BACE2: variants seen among roughly 807,000 people sequenced by gnomAD.
BACE2 encodes 56 kDa aspartic-like protease.
BACE2 carries 17 observed loss-of-function variants against 46.2 expected under a neutral mutation model. The ratio of observed to expected loss-of-function variants is 0.37; its 90% CI spans 0.25 to 0.55. BACE2 has a LOEUF of 0.55. Ranked by LOEUF, BACE2 falls within the 20% of genes least tolerant of loss-of-function variation. BACE2 has a pLI of 0.82. For synonymous variants in BACE2, 277 were observed against 295.9 expected (o/e 0.94, Z 0.66); for missense variants, 595 against 698.1 (o/e 0.85, Z 1.66).
At chr21:41,194,604 A>T (rs1162793527) in intron 1 of BACE2, among the ~76,000 whole-genome samples, 1 of 152,146 alleles carries the variant, frequency 6.6e-6, no homozygotes, top group East Asian at 1.9e-4. Flanking sequence ...CCCTCAACAG[A>T]GATAGCTGAC....
intron 1 of BACE2, among the ~76,000 whole-genome samples, chr21:41,218,797 A>C (rs1986551325): frequency 6.6e-6 from 1 of 152,062 alleles, no homozygotes; most frequent in Non-Finnish European, 1.5e-5. Context: ...AGTAAAAATA[A>C]TGTTATAATC....
intron 3 of BACE2, among the ~76,000 whole-genome samples, chr21:41,239,920 G>A (rs906640774): frequency 1.3e-5 from 2 of 152,220 alleles, no homozygotes; most frequent in African/African-American, 4.8e-5. Flanking sequence ...AAATTGTTCC[G>A]AAGATGATAG....
rs1460006374 is a variant in BACE2, at chr21:41,279,122, G to C, written c.*3498G>C. Reference sequence around the variant, plus strand: ...CTAGATTTTTTTAATGCCGAGAAAAGTCCATGCCACAGAAGTTATTGTGTA... The same window carrying C: ...CTAGATTTTTTTAATGCCGAGAAAACTCCATGCCACAGAAGTTATTGTGTA... On this transcript the variant is annotated 3_prime_UTR_variant, in exon 9 of 9. Transcript: ENST00000330333. The C allele has an allele frequency of 6.6e-6, 1 of 152,134 alleles. No homozygotes were observed. Among genetic ancestry groups the C allele is most frequent in the East Asian group, 1.9e-4 (1 of 5,162 alleles). The allele number at this position is 152,134 out of a possible 1,614,324, so 9.4% of individuals were successfully genotyped here.
In BACE2 at chr21:41,277,407, G is replaced by A. The variant is rs1355333346; in HGVS notation, c.*1783G>A. 6.6e-6 allele frequency: 1 copy of A among 152,212 alleles called. No homozygotes were observed. Among genetic ancestry groups the A allele is most frequent in the Non-Finnish European group, 1.5e-5 (1 of 68,062 alleles). The allele number at this position is 152,212 out of a possible 1,614,324, so 9.4% of individuals were successfully genotyped here. On this transcript the variant is annotated 3_prime_UTR_variant, in exon 9 of 9. Coordinates refer to ENST00000330333, the MANE Select transcript of BACE2 (RefSeq NM_012105.5). ...CACGGAACGGGAGGAGGGGGCTCTTGTATCAGGGCCCGTTGTCACATCCGC... is the reference window on the plus strand; with the variant it reads ...CACGGAACGGGAGGAGGGGGCTCTTATATCAGGGCCCGTTGTCACATCCGC...
intron 2 of BACE2, chr21:41,236,532 T>C (rs1040404911): frequency 2.0e-5 from 3 of 152,290 alleles, no homozygotes; most frequent in African/African-American, 4.8e-5. Context: ...CTCTCGGTCA[T>C]GTCACAGTGA....
intron 7 of BACE2, among the ~76,000 whole-genome samples, chr21:41,254,633 G>T (rs1987729385): frequency 6.6e-6 from 1 of 152,216 alleles, no homozygotes; most frequent in African/African-American, 2.4e-5. Context: ...CCAAGAAATT[G>T]TTACTGCTGG....
At chr21:41,274,675 C>T (rs937225920) in intron 8 of BACE2, among the ~76,000 whole-genome samples, 6 of 152,128 alleles carry the variant, frequency 3.9e-5, no homozygotes, top group African/African-American at 1.2e-4. Flanking sequence ...CAGAAGTCAC[C>T]GGGTGAATTT....
intron 1 of BACE2, among the ~76,000 whole-genome samples, chr21:41,223,861 A>G (rs909379389): frequency 9.9e-5 from 15 of 152,242 alleles, no homozygotes; most frequent in Admixed American, 2.6e-4. Context: ...CAACATGCGG[A>G]TGGCATTTAA....
At chr21:41,268,007 C>G (rs1409807692) in intron 8 of BACE2, among the ~76,000 whole-genome samples, 1 of 152,150 alleles carries the variant, frequency 6.6e-6, no homozygotes, top group African/African-American at 2.4e-5. Context: ...TCATTATCAA[C>G]CAGATCCTGA....
rs141998368 is a variant in BACE2, at chr21:41,192,319, T to A, written c.312+23744T>A. Reference sequence around the variant, plus strand: ...GTGGCAGGAGTGGAGACCAGGGCATTTGAACCACTTCCTCATGTAACTTAC... The same window carrying A: ...GTGGCAGGAGTGGAGACCAGGGCATATGAACCACTTCCTCATGTAACTTAC... On this transcript the variant is annotated intron_variant, in intron 1 of 8. Transcript: ENST00000330333. Among the ~76,000 whole-genome samples, 5 of 152,282 alleles carry A rather than the reference T, an allele frequency of 3.3e-5. No homozygotes were observed. The East Asian group carries it at 9.7e-4, about 29-fold the overall frequency.
chr21:41,218,571 G>A (rs936082520), intron 1 of BACE2, among the ~76,000 whole-genome samples: 1 of 152,090 alleles, frequency 6.6e-6, no homozygotes, highest in Non-Finnish European at 1.5e-5. Context: ...TGGGAAATAT[G>A]GGTATCAAAA....
intron 1 of BACE2, among the ~76,000 whole-genome samples, chr21:41,171,708 A>G (rs1984617058): frequency 1.3e-5 from 2 of 152,108 alleles, no homozygotes; most frequent in Admixed American, 1.3e-4. Flanking sequence ...TAACACAATA[A>G]CTCCAGCTGA....
intron 1 of BACE2, among the ~76,000 whole-genome samples, chr21:41,205,774 A>G (rs1022328419): frequency 2.0e-5 from 3 of 152,182 alleles, no homozygotes; most frequent in African/African-American, 7.2e-5. Flanking sequence ...TTCCACAGGA[A>G]TTGAAAACTG....
At position 41,278,238 on chromosome 21, in the gene BACE2, T is replaced by C. The variant is rs1004155967; in HGVS notation, c.*2614T>C. On this transcript the variant is annotated 3_prime_UTR_variant, in exon 9 of 9. Coordinates refer to ENST00000330333, the MANE Select transcript of BACE2 (RefSeq NM_012105.5). ...CTGATGGGAAATGAATAGATGCTGC[T>C]TTATTTCCTTGATAACTTCTTTGGA... 6.6e-6 allele frequency: 1 copy of C among 152,256 alleles called. No individual in the cohort carries two copies. The highest frequency in any genetic ancestry group is 2.4e-5 in the African/African-American group (1 of 41,472). 9.4% of individuals were successfully genotyped at this position (152,256 alleles called of 1,614,324 possible). A position where few individuals can be genotyped will look rare whatever the true frequency, so the allele number is the denominator to read the frequency against.
chr21:41,204,448 A>G (rs1386247231), intron 1 of BACE2, among the ~76,000 whole-genome samples: 1 of 152,182 alleles, frequency 6.6e-6, no homozygotes, highest in East Asian at 1.9e-4. Flanking sequence ...AAGAAAGGGA[A>G]TTAGGGGCAT....
rs112493020 is a variant in BACE2, at chr21:41,225,864, C to T, written c.313-402C>T. On this transcript the variant is annotated intron_variant, in intron 1 of 8. Transcript: ENST00000330333. ...CTGGGGAGGGGAGGTCACGTTGGAT[C>T]GGGGTTTCCAGGCGAGATTTGGAAA... 9.0e-3 allele frequency among the ~76,000 whole-genome samples: 1,376 copies of T among 152,186 alleles called. 9 individuals are homozygous for T. Among genetic ancestry groups the T allele is most frequent in the Non-Finnish European group, 0.013 (907 of 68,002 alleles).
At chr21:41,271,684 G>T (rs925668402) in intron 8 of BACE2, among the ~76,000 whole-genome samples, 1 of 151,990 alleles carries the variant, frequency 6.6e-6, no homozygotes, top group African/African-American at 2.4e-5. Flanking sequence ...TTTAGAATAT[G>T]TAGTGTAAAT....
chr21:41,183,150 A>G (rs1300698170), intron 1 of BACE2: 1 of 166,418 alleles, frequency 6.0e-6, no homozygotes, highest in Non-Finnish European at 1.5e-5. Context: ...GTATTTAATT[A>G]TTTCACTTTT....
At chr21:41,227,865 C>T (rs545402472) in intron 2 of BACE2, among the ~76,000 whole-genome samples, 1 of 152,224 alleles carries the variant, frequency 6.6e-6, no homozygotes, top group Admixed American at 6.5e-5. Flanking sequence ...CTTATGCTGC[C>T]CCGTCCCACT....
Sources: allele counts gnomAD v4.1 joint callset (sites outside exome capture counted in the v4.1 genomes callset), GRCh38; gene constraint gnomAD v4.1.1; transcripts MANE v1.5; gene names NCBI Gene and HGNC (gene_info 2026-07-23, HGNC 2026-07-21).